ZNF385D: variants seen among roughly 807,000 people sequenced by gnomAD.
ZNF385D encodes the protein zinc finger protein 385D.
ZNF385D carries 15 observed loss-of-function variants against 35.8 expected under a neutral mutation model. The ratio of observed to expected loss-of-function variants is 0.42; its 90% CI spans 0.28 to 0.64. The LOEUF is 0.64. Among genes scored for constraint, ZNF385D ranks in the 30% least tolerant of loss-of-function variants. The pLI is 0.23. For missense variants in ZNF385D, 474 were observed against 494.6 expected (o/e 0.96, Z 0.39); for synonymous variants, 212 against 186.8 (o/e 1.13, Z -1.10).
At chr3:21,885,204 A>G (rs556842249) in intron 3 of ZNF385D, among the ~76,000 whole-genome samples, 5 of 152,200 alleles carry the variant, frequency 3.3e-5, no homozygotes, top group Non-Finnish European at 7.4e-5. Context: ...AATTTCTTTC[A>G]ATATTCTAAA....
intron 2 of ZNF385D, among the ~76,000 whole-genome samples, chr3:22,276,389 T>C (rs983332929): frequency 5.3e-5 from 8 of 152,070 alleles, no homozygotes; most frequent in East Asian, 3.9e-4. Context: ...TATCTTAGCA[T>C]AGTGATCTCA....
chr3:21,438,692 C>T (rs6774929), intron 4 of ZNF385D, among the ~76,000 whole-genome samples: 46,567 of 151,918 alleles, frequency 0.31, 8,656 homozygotes, highest in African/African-American at 0.52. Flanking sequence ...AATCACTTAT[C>T]TACCTGCTAA....
chr3:22,211,314 T>G (rs1697507741), intron 2 of ZNF385D, among the ~76,000 whole-genome samples: 1 of 151,942 alleles, frequency 6.6e-6, no homozygotes, highest in African/African-American at 2.4e-5. Context: ...AAAAATGTTC[T>G]GAATATGTCA....
At chr3:21,549,194 CCTTT>C (rs1308109050) in intron 3 of ZNF385D, among the ~76,000 whole-genome samples, 1 of 152,122 alleles carries the variant, frequency 6.6e-6, no homozygotes, top group African/African-American at 2.4e-5. Flanking sequence ...AAAGATTTCT[CCTTT>C]CTTAGTCTCT....
At chr3:21,969,242 C>T (rs1576037204) in intron 3 of ZNF385D, among the ~76,000 whole-genome samples, 1 of 152,030 alleles carries the variant, frequency 6.6e-6, no homozygotes, top group East Asian at 1.9e-4. Context: ...AGGCTTTGTG[C>T]CCCCACTCAA....
At chr3:21,984,089 C>T (rs1207443678) in intron 3 of ZNF385D, among the ~76,000 whole-genome samples, 56 of 132,024 alleles carry the variant, frequency 4.2e-4, no homozygotes, top group South Asian at 1.8e-3. Flanking sequence ...GAGTAGGTTG[C>T]GAAAATTTTC....
chr3:21,965,949 T>C (rs192276664), intron 3 of ZNF385D, among the ~76,000 whole-genome samples: 227 of 152,290 alleles, frequency 1.5e-3, no homozygotes, highest in African/African-American at 5.2e-3. Flanking sequence ...GAGTTCTTTG[T>C]ACTATTCTTG....
At chr3:22,227,964 C>T (rs961589623) in intron 2 of ZNF385D, among the ~76,000 whole-genome samples, 1 of 152,262 alleles carries the variant, frequency 6.6e-6, no homozygotes, top group Middle Eastern at 3.4e-3. Context: ...CACCCCAGCT[C>T]ACCCTTGAAT....
intron 3 of ZNF385D, among the ~76,000 whole-genome samples, chr3:21,975,734 T>TAC (rs1703568229): frequency 1.6e-4 from 2 of 12,514 alleles, no homozygotes; most frequent in Admixed American, 4.4e-4. Context: ...TATATATATA[T>TAC]ATATATATAT....
chr3:21,812,623 T>C (rs12486668), intron 3 of ZNF385D, among the ~76,000 whole-genome samples: 53,237 of 152,106 alleles, frequency 0.35, 9,717 homozygotes, highest in Middle Eastern at 0.43. Flanking sequence ...GAGATCGAAC[T>C]GCAAGGTGGC....
At chr3:21,872,310 T>C (rs765524049) in intron 3 of ZNF385D, among the ~76,000 whole-genome samples, 3 of 152,198 alleles carry the variant, frequency 2.0e-5, no homozygotes, top group African/African-American at 2.4e-5. Flanking sequence ...TTTCTCATAG[T>C]GCATGCTACA....
intron 1 of ZNF385D, among the ~76,000 whole-genome samples, chr3:21,728,126 G>T (rs998811667): frequency 6.6e-6 from 1 of 151,978 alleles, no homozygotes; most frequent in Admixed American, 6.6e-5. Flanking sequence ...CACACATCGC[G>T]GCCTGTCGGG....
chr3:21,860,195 C>T (rs1488761831), intron 3 of ZNF385D, among the ~76,000 whole-genome samples: 1 of 152,020 alleles, frequency 6.6e-6, no homozygotes, highest in Non-Finnish European at 1.5e-5. Flanking sequence ...AGGTTGAGCA[C>T]GTTTGCTGTA....
chr3:22,143,152 C>T (rs976170005), intron 3 of ZNF385D, among the ~76,000 whole-genome samples: 3 of 150,210 alleles, frequency 2.0e-5, no homozygotes, highest in African/African-American at 7.4e-5. Context: ...GCACGATCTC[C>T]GCTCACTCTA....
chr3:21,847,272 C>A (rs1696070639), intron 3 of ZNF385D, among the ~76,000 whole-genome samples: 2 of 152,002 alleles, frequency 1.3e-5, no homozygotes, highest in South Asian at 2.1e-4. Context: ...TATTTGAATG[C>A]ATCACATTAT....
At chr3:22,045,291 A>G (rs866002359) in intron 3 of ZNF385D, among the ~76,000 whole-genome samples, 3 of 152,128 alleles carry the variant, frequency 2.0e-5, no homozygotes, top group South Asian at 2.1e-4. Context: ...TAGGGATTAA[A>G]TGTTATTATT....
At chr3:21,839,871 G>T (rs530075631) in intron 3 of ZNF385D, among the ~76,000 whole-genome samples, 1 of 151,950 alleles carries the variant, frequency 6.6e-6, no homozygotes, top group Non-Finnish European at 1.5e-5. Context: ...TACTGGAGGG[G>T]TCAGAAATTG....
chr3:21,562,588 G>A (rs186313191), intron 3 of ZNF385D, among the ~76,000 whole-genome samples: 3 of 152,238 alleles, frequency 2.0e-5, no homozygotes, highest in African/African-American at 4.8e-5. Context: ...TGAAATCATA[G>A]GCAGGAGGAG....
chr3:22,231,637 G>A (rs1321366601), intron 2 of ZNF385D, among the ~76,000 whole-genome samples: 1 of 152,012 alleles, frequency 6.6e-6, no homozygotes, highest in Admixed American at 6.6e-5. Flanking sequence ...CCTTTTCTGT[G>A]CCTCCTTCTG....
Sources: allele counts gnomAD v4.1 joint callset (sites outside exome capture counted in the v4.1 genomes callset), GRCh38; gene constraint gnomAD v4.1.1; transcripts MANE v1.5; gene names NCBI Gene and HGNC (gene_info 2026-07-23, HGNC 2026-07-21).